SIL1: variants seen among roughly 807,000 people sequenced by gnomAD.
SIL1 encodes the protein SIL1 nucleotide exchange factor.
SIL1 carries 40 observed loss-of-function variants against 49.1 expected under a neutral mutation model. The observed-to-expected ratio is 0.81, with a 90% CI of 0.63 to 1.06. The LOEUF is 1.06. Among genes scored for constraint, SIL1 ranks in the 50% least tolerant of loss-of-function variants. The probability of loss-of-function intolerance (pLI) is 0.00; values close to 1 mark genes in which losing one functional copy is unlikely to be tolerated. For missense variants in SIL1, 500 were observed against 572.6 expected (o/e 0.87, Z 1.29); for synonymous variants, 253 against 250.8 (o/e 1.01, Z -0.08).
At chr5:139,087,753 G>A (rs1271280180) in intron 3 of SIL1, among the ~76,000 whole-genome samples, 6 of 152,168 alleles carry the variant, frequency 3.9e-5, no homozygotes. Flanking sequence ...CACAGGAGAA[G>A]TGGGTATGGA....
At chr5:139,193,577 T>C (rs1470410567) in intron 1 of SIL1, among the ~76,000 whole-genome samples, 1 of 151,994 alleles carries the variant, frequency 6.6e-6, no homozygotes, top group African/African-American at 2.4e-5. Context: ...CAAAAAAACA[T>C]TCCACTGGGG....
intron 4 of SIL1, among the ~76,000 whole-genome samples, chr5:139,045,895 T>C (rs1769148652): frequency 6.6e-6 from 1 of 152,156 alleles, no homozygotes; most frequent in Non-Finnish European, 1.5e-5. Flanking sequence ...ATTCATTCAG[T>C]CTCTGTTATG....
intron 2 of SIL1, among the ~76,000 whole-genome samples, chr5:139,126,842 G>A (rs1309042341): frequency 2.0e-5 from 3 of 152,200 alleles, no homozygotes; most frequent in South Asian, 2.1e-4. Context: ...GCACTTCAAG[G>A]ACCTCCCGCT....
chr5:139,154,322 C>T (rs1751366009), intron 1 of SIL1, among the ~76,000 whole-genome samples: 1 of 152,252 alleles, frequency 6.6e-6, no homozygotes, highest in Non-Finnish European at 1.5e-5. Flanking sequence ...TCATGGCCCT[C>T]AGAAGATGTT....
chr5:138,987,082 ATTATTTTATTTTATT>A lies in SIL1; in HGVS notation c.767+34074_767+34088del, dbSNP rs58117206. Among the ~76,000 whole-genome samples the A allele has an allele frequency of 6.2e-3, 846 of 135,486 alleles. 8 individuals are homozygous for A. The highest frequency in any genetic ancestry group is 0.022 in the African/African-American group (789 of 36,496). The allele number at this position is 135,486 out of a possible 152,430, so 88.9% of individuals were successfully genotyped here. A position where few individuals can be genotyped will look rare whatever the true frequency, so the allele number is the denominator to read the frequency against. Reference sequence around the variant, plus strand: ...CACTATTTTGTTTTATTTATGATAGATTATTTTATTTTATTTTATTTTATTTTATTTTATTTTATT... The same window carrying A: ...CACTATTTTGTTTTATTTATGATAGATTATTTTATTTTATTTTATTTTATT... On this transcript the variant is annotated intron_variant, in intron 7 of 9. Coordinates refer to ENST00000394817, the MANE Select transcript of SIL1 (RefSeq NM_022464.5).
rs1190109793 is a variant in SIL1, at chr5:138,951,286, C to T, written c.914G>A (p.Arg305Gln). ...CAGCCCCCCGAGCTTCAGGAACTGCCGCTGGGCATAGGGGAAGTGGCGCAG... is the reference window on the plus strand; with the variant it reads ...CAGCCCCCCGAGCTTCAGGAACTGCTGCTGGGCATAGGGGAAGTGGCGCAG... ...SLLRHFPYAQ[R>Q]QFLKLGGLQV... The change falls in exon 9 of 10, where the codon CGG (arginine) becomes CAG (glutamine). Residue 305 changes from arginine to glutamine, a missense_variant. Coordinates refer to ENST00000394817, the MANE Select transcript of SIL1 (RefSeq NM_022464.5). The T allele has an allele frequency of 9.5e-6, 15 of 1,571,458 alleles. No homozygotes were observed. Among genetic ancestry groups the T allele is most frequent in the Admixed American group, 3.7e-5 (2 of 53,606 alleles).
At chr5:139,143,304 TATACACACAC>T (rs1407992324) in intron 1 of SIL1, among the ~76,000 whole-genome samples, 37 of 73,014 alleles carry the variant, frequency 5.1e-4, no homozygotes, top group African/African-American at 1.6e-3. Flanking sequence ...TATATACATA[TATACACACAC>T]ACACACACAC....
chr5:139,101,158 T>C (rs1472110250), intron 3 of SIL1, among the ~76,000 whole-genome samples: 2 of 152,098 alleles, frequency 1.3e-5, no homozygotes, highest in Non-Finnish European at 2.9e-5. Flanking sequence ...ATTCCCTAAC[T>C]CTCAGAATAT....
chr5:139,035,192 T>C (rs1391357750), intron 5 of SIL1: 1 of 404,548 alleles, frequency 2.5e-6, no homozygotes, highest in South Asian at 2.3e-5. Flanking sequence ...ATGTCATCTA[T>C]GATGTCATGA....
At chr5:139,082,047 G>C (rs1406960476) in intron 3 of SIL1, among the ~76,000 whole-genome samples, 1 of 152,140 alleles carries the variant, frequency 6.6e-6, no homozygotes, top group Non-Finnish European at 1.5e-5. Flanking sequence ...ATTACCACTT[G>C]GTACTGGGCA....
intron 1 of SIL1, among the ~76,000 whole-genome samples, chr5:139,128,589 T>C (rs1008135108): frequency 2.7e-5 from 4 of 150,888 alleles, no homozygotes; most frequent in African/African-American, 9.8e-5. Flanking sequence ...GATGAGGCTG[T>C]AGTGATCCAT....
intron 1 of SIL1, among the ~76,000 whole-genome samples, chr5:139,172,450 G>T (rs1460865371): frequency 6.6e-6 from 1 of 152,114 alleles, no homozygotes; most frequent in Non-Finnish European, 1.5e-5. Flanking sequence ...TAGCCAACAT[G>T]GCAAAACCCT....
chr5:139,069,512 C>T (rs1296012661), intron 3 of SIL1, among the ~76,000 whole-genome samples: 2 of 151,994 alleles, frequency 1.3e-5, no homozygotes, highest in African/African-American at 2.4e-5. Context: ...AAACCCTAAA[C>T]AAGCAAACAG....
chr5:139,196,487 C>A (rs958633101), intron 1 of SIL1: 1 of 152,192 alleles, frequency 6.6e-6, no homozygotes, highest in Non-Finnish European at 1.5e-5. Context: ...ATGAAACACA[C>A]CAGGGCTCAC....
At chr5:139,162,148 G>T (rs540126673) in intron 1 of SIL1, among the ~76,000 whole-genome samples, 2 of 152,244 alleles carry the variant, frequency 1.3e-5, no homozygotes, top group South Asian at 4.2e-4. Context: ...GCCAATATTT[G>T]CCATGAAAAA....
intron 7 of SIL1, among the ~76,000 whole-genome samples, chr5:138,959,950 C>T (rs1561805502): frequency 6.6e-6 from 1 of 152,238 alleles, no homozygotes; most frequent in Non-Finnish European, 1.5e-5. Context: ...CAACATGGCT[C>T]TGAAGCCAAG....
At chr5:139,077,093 C>G (rs1182060341) in intron 3 of SIL1, among the ~76,000 whole-genome samples, 3 of 152,164 alleles carry the variant, frequency 2.0e-5, no homozygotes, top group Non-Finnish European at 4.4e-5. Flanking sequence ...GAGACCATAC[C>G]ACTGCACTCC....
intron 1 of SIL1, among the ~76,000 whole-genome samples, chr5:139,146,979 T>C (rs533664706): frequency 9.2e-5 from 14 of 152,240 alleles, no homozygotes; most frequent in Non-Finnish European, 2.1e-4. Flanking sequence ...CCTGAGTACA[T>C]GGGACTCCTT....
intron 3 of SIL1, among the ~76,000 whole-genome samples, chr5:139,117,552 G>A (rs149756558): frequency 2.6e-5 from 4 of 152,208 alleles, no homozygotes; most frequent in Non-Finnish European, 4.4e-5. Flanking sequence ...TTCAGCCTCA[G>A]GTCCTCAGCC....
Sources: allele counts gnomAD v4.1 joint callset (sites outside exome capture counted in the v4.1 genomes callset), GRCh38; gene constraint gnomAD v4.1.1; transcripts MANE v1.5; gene names NCBI Gene and HGNC (gene_info 2026-07-23, HGNC 2026-07-21).